Variants in TASP1 observed in about 807,000 individuals in gnomAD.
TASP1 encodes taspase 1.
In TASP1, 16 loss-of-function variants were observed where a neutral mutation model predicts 56.6. The ratio of observed to expected loss-of-function variants is 0.28; its 90% CI spans 0.19 to 0.43. The LOEUF is 0.43. Among genes scored for constraint, TASP1 ranks in the 20% least tolerant of loss-of-function variants. The probability of loss-of-function intolerance (pLI) is 1.00; values close to 1 mark genes in which losing one functional copy is unlikely to be tolerated. For synonymous variants in TASP1, 179 were observed against 184.2 expected, an observed-to-expected ratio of 0.97 and a Z score of 0.23; for missense variants, 393 against 511.6, an observed-to-expected ratio of 0.77 and a Z score of 2.24.
At chr20:13,208,390 G>C in the TASP1 span, among the ~76,000 whole-genome samples, 1 of 152,176 alleles carries the variant, frequency 6.6e-6, no homozygotes, top group Non-Finnish European at 1.5e-5. Flanking sequence ...GTTGAAATTT[G>C]TTTAATGCTT....
chr20:13,363,984 T>C, the TASP1 span, among the ~76,000 whole-genome samples: 156 of 152,206 alleles, frequency 1.0e-3, no homozygotes, highest in African/African-American at 3.7e-3. Context: ...TTTCTTCCTA[T>C]GAGGAGATTT....
the TASP1 span, among the ~76,000 whole-genome samples, chr20:13,254,148 A>G: frequency 6.6e-6 from 1 of 151,608 alleles, no homozygotes; most frequent in Non-Finnish European, 1.5e-5. Context: ...CAGGAGAATC[A>G]CTTGAGCCCA....
chr20:13,224,472 A>G, the TASP1 span, among the ~76,000 whole-genome samples: 1 of 152,190 alleles, frequency 6.6e-6, no homozygotes, highest in African/African-American at 2.4e-5. Context: ...TTTTTACCAG[A>G]CATTTTAAAC....
chr20:13,560,528 C>T (rs948804040), intron 7 of TASP1, among the ~76,000 whole-genome samples: 1 of 152,160 alleles, frequency 6.6e-6, no homozygotes, highest in African/African-American at 2.4e-5. Context: ...TAATCCATAA[C>T]TGAGTCCATT....
intron 11 of TASP1, among the ~76,000 whole-genome samples, chr20:13,481,432 T>G (rs1377868552): frequency 6.6e-6 from 1 of 152,184 alleles, no homozygotes; most frequent in African/African-American, 2.4e-5. Flanking sequence ...TTTGGGGATA[T>G]ACATAGCAGT....
the TASP1 span, among the ~76,000 whole-genome samples, chr20:13,310,322 G>T: frequency 6.6e-6 from 1 of 152,138 alleles, no homozygotes; most frequent in East Asian, 1.9e-4. Context: ...CACACAATGG[G>T]GAAAGGGTGG....
rs528394333 is a variant in TASP1 at position 13,636,178 on chromosome 20, C to G, written c.-75+2716G>C. On this transcript the variant is annotated intron_variant, in intron 1 of 13. Transcript: ENST00000337743. ...TTTTTTTTTTTGAGACAGAGTCTCACTCTGTCACCCAGGCTGGAGTGCAGT... is the reference window on the plus strand; with the variant it reads ...TTTTTTTTTTTGAGACAGAGTCTCAGTCTGTCACCCAGGCTGGAGTGCAGT... 5.4e-3 allele frequency among the ~76,000 whole-genome samples: 701 copies of G among 130,668 alleles called. 8 individuals carry two copies. The highest frequency in any genetic ancestry group is 0.025 in the South Asian group (93 of 3,688). The allele number at this position is 130,668 out of a possible 152,430, so 85.7% of individuals were successfully genotyped here.
chr20:13,416,900 G>T (rs554770197), intron 13 of TASP1, among the ~76,000 whole-genome samples: 1 of 152,318 alleles, frequency 6.6e-6, no homozygotes, highest in East Asian at 1.9e-4. Flanking sequence ...GAGTGCCACA[G>T]GCATGTGGGA....
chr20:13,298,095 TTTA>T, the TASP1 span, among the ~76,000 whole-genome samples: 2 of 152,128 alleles, frequency 1.3e-5, no homozygotes, highest in African/African-American at 2.4e-5. Flanking sequence ...ATTTTTTATT[TTTA>T]TTATTGATTT....
intron 13 of TASP1, among the ~76,000 whole-genome samples, chr20:13,416,361 A>G (rs1047406756): frequency 2.6e-5 from 4 of 152,176 alleles, no homozygotes; most frequent in Non-Finnish European, 5.9e-5. Context: ...ATATTGTACC[A>G]GATGAAGGTG....
chr20:13,591,939 A>T (rs1374941218), intron 4 of TASP1, among the ~76,000 whole-genome samples: 1 of 152,176 alleles, frequency 6.6e-6, no homozygotes, highest in Non-Finnish European at 1.5e-5. Flanking sequence ...GCAACTACTA[A>T]AAAAATAAAA....
the TASP1 span, among the ~76,000 whole-genome samples, chr20:13,224,186 C>A: frequency 1.3e-5 from 2 of 152,140 alleles, no homozygotes; most frequent in African/African-American, 4.8e-5. Flanking sequence ...ACTCAATGCA[C>A]ACACTTTTCC....
At chr20:13,523,177 G>A (rs2044831322) in intron 10 of TASP1, among the ~76,000 whole-genome samples, 1 of 152,060 alleles carries the variant, frequency 6.6e-6, no homozygotes, top group African/African-American at 2.4e-5. Flanking sequence ...TAAGAAATGG[G>A]GAGAGGGCTA....
At chr20:13,417,565 T>C in intron 12 of TASP1, 44 bp from the exon 13 acceptor site, 1 of 1,604,254 alleles carries the variant, frequency 6.2e-7, no homozygotes, top group Non-Finnish European at 8.5e-7. Flanking sequence ...AGATCACAGA[T>C]GGAAAATAAA....
chr20:13,269,934 A>AGTATGGATGGAT, the TASP1 span, among the ~76,000 whole-genome samples: 1 of 149,910 alleles, frequency 6.7e-6, no homozygotes, highest in East Asian at 2.0e-4. Flanking sequence ...TGTGGGTGGA[A>AGTATGGATGGAT]GGATGGATGG....
intron 10 of TASP1, among the ~76,000 whole-genome samples, chr20:13,513,595 T>C (rs1473728980): frequency 6.6e-6 from 1 of 152,148 alleles, no homozygotes; most frequent in Non-Finnish European, 1.5e-5. Flanking sequence ...GTTGTTTACA[T>C]TGCAATTATA....
intron 12 of TASP1, among the ~76,000 whole-genome samples, chr20:13,419,680 G>C (rs1223301315): frequency 6.6e-6 from 1 of 152,166 alleles, no homozygotes; most frequent in Non-Finnish European, 1.5e-5. Context: ...TTTGAGTTGA[G>C]ACCCAACTGT....
chr20:13,353,095 C>T, the TASP1 span, among the ~76,000 whole-genome samples: 6 of 152,048 alleles, frequency 3.9e-5, no homozygotes, highest in Admixed American at 3.9e-4. Context: ...AAATAGTAGC[C>T]AGGCTTACTG....
the TASP1 span, chr20:13,166,261 C>T: frequency 1.3e-5 from 2 of 152,580 alleles, no homozygotes; most frequent in African/African-American, 4.8e-5. Flanking sequence ...ATGCTGTGCA[C>T]TGAGATAGAA....
Sources: allele counts gnomAD v4.1 joint callset (sites outside exome capture counted in the v4.1 genomes callset), GRCh38; gene constraint gnomAD v4.1.1; transcripts MANE v1.5; gene names NCBI Gene and HGNC (gene_info 2026-07-23, HGNC 2026-07-21).